CDH13: variants seen among roughly 807,000 people sequenced by gnomAD.
CDH13 encodes the protein cadherin 13.
In CDH13, 24 loss-of-function variants were observed where a neutral mutation model predicts 63.8. That is an observed-to-expected ratio of 0.38 (90% confidence interval 0.27 to 0.53). The LOEUF (loss-of-function observed/expected upper bound fraction) is 0.53. CDH13 is among the 20% of genes least tolerant of loss of function. CDH13 has a pLI of 0.85. For synonymous variants in CDH13, 503 were observed against 355.3 expected, an observed-to-expected ratio of 1.42 and a Z score of -4.67; for missense variants, 1,049 against 903.1, an observed-to-expected ratio of 1.16 and a Z score of -2.07.
chr16:83,739,838 G>A (rs1042456376), intron 10 of CDH13: 1 of 152,204 alleles, frequency 6.6e-6, no homozygotes, highest in African/African-American at 2.4e-5. Flanking sequence ...TACCCACTCA[G>A]TGTGTGCGGG....
At chr16:83,772,167 G>A (rs1484416297) in intron 11 of CDH13, among the ~76,000 whole-genome samples, 1 of 152,190 alleles carries the variant, frequency 6.6e-6, no homozygotes, top group Non-Finnish European at 1.5e-5. Flanking sequence ...AAAAGAAGTA[G>A]TATAAGACTG....
At chr16:83,195,518 T>C (rs7194536) in intron 4 of CDH13, among the ~76,000 whole-genome samples, 35,412 of 151,760 alleles carry the variant, frequency 0.23, 4,432 homozygotes, top group African/African-American at 0.28. Flanking sequence ...GGGGAGGTGC[T>C]ATACAGTTTC....
At chr16:83,790,724 C>T (rs908267788) in intron 13 of CDH13, among the ~76,000 whole-genome samples, 6 of 152,128 alleles carry the variant, frequency 3.9e-5, no homozygotes, top group African/African-American at 1.2e-4. Flanking sequence ...GTATAAAGTG[C>T]ATGTCAGTGG....
At chr16:83,063,779 A>G (rs1281275779) in intron 3 of CDH13, among the ~76,000 whole-genome samples, 1 of 152,226 alleles carries the variant, frequency 6.6e-6, no homozygotes, top group East Asian at 1.9e-4. Context: ...TGTCAGCAGA[A>G]CTGGTTCCTT....
intron 4 of CDH13, among the ~76,000 whole-genome samples, chr16:83,177,772 G>C (rs941678641): frequency 1.1e-4 from 16 of 152,274 alleles, no homozygotes; most frequent in African/African-American, 3.6e-4. Context: ...AAGAACAAGA[G>C]AATGTCAAAC....
At chr16:83,488,949 C>T (rs1390189807) in intron 7 of CDH13, among the ~76,000 whole-genome samples, 10 of 152,046 alleles carry the variant, frequency 6.6e-5, no homozygotes, top group Non-Finnish European at 1.3e-4. Context: ...TTATGACTGA[C>T]ATATTTTCTT....
At chr16:83,349,043 T>G (rs1403684094) in intron 6 of CDH13, among the ~76,000 whole-genome samples, 1 of 152,204 alleles carries the variant, frequency 6.6e-6, no homozygotes, top group South Asian at 2.1e-4. Flanking sequence ...GTCACCCATA[T>G]TTATCTGTAT....
intron 5 of CDH13, among the ~76,000 whole-genome samples, chr16:83,326,954 A>G (rs969390121): frequency 1.3e-4 from 20 of 152,326 alleles, no homozygotes; most frequent in African/African-American, 4.3e-4. Flanking sequence ...AACAGAATGC[A>G]TCTCATCCGG....
At position 82,885,190 on chromosome 16, in the gene CDH13, T is replaced by C. The variant is rs1453840305; in HGVS notation, c.157+26717T>C. ...GATAGTATATTATGAGCACTACTCT[T>C]ATGGCTTTGCATTGTAAGTAATTTT... On this transcript the variant is annotated intron_variant, in intron 2 of 13. Transcript: ENST00000567109. 5.9e-5 allele frequency among the ~76,000 whole-genome samples: 9 copies of C among 152,202 alleles called. No homozygotes were observed. The East Asian group carries it at 1.7e-3, about 29-fold the overall frequency.
At chr16:83,065,257 A>C (rs1199035963) in intron 3 of CDH13, among the ~76,000 whole-genome samples, 1 of 152,210 alleles carries the variant, frequency 6.6e-6, no homozygotes, top group Non-Finnish European at 1.5e-5. Flanking sequence ...AAAAGCTTGA[A>C]GGTAGAAGAA....
intron 1 of CDH13, among the ~76,000 whole-genome samples, chr16:82,631,505 G>A (rs141018441): frequency 6.6e-6 from 1 of 152,322 alleles, no homozygotes; most frequent in African/African-American, 2.4e-5. Context: ...AGTGGTTTTG[G>A]CATTGTTTCT....
intron 3 of CDH13, among the ~76,000 whole-genome samples, chr16:83,120,779 TC>T (rs139589800): frequency 0.71 from 93,887 of 131,426 alleles, 37,459 homozygotes; most frequent in Admixed American, 0.84. Context: ...TTTTTTTTTT[TC>T]TGAGATGGAG....
intron 9 of CDH13, among the ~76,000 whole-genome samples, chr16:83,677,246 A>G (rs891476230): frequency 3.3e-5 from 5 of 151,916 alleles, no homozygotes; most frequent in Admixed American, 2.0e-4. Flanking sequence ...TGTATTACCA[A>G]TGTTTATCAT....
At chr16:83,387,023 C>T (rs1388478832) in intron 6 of CDH13, among the ~76,000 whole-genome samples, 1 of 152,152 alleles carries the variant, frequency 6.6e-6, no homozygotes, top group Non-Finnish European at 1.5e-5. Flanking sequence ...GTTATATGCC[C>T]ATCCTTAGTG....
At chr16:82,748,306 A>G (rs1444418702) in intron 1 of CDH13, among the ~76,000 whole-genome samples, 2 of 152,222 alleles carry the variant, frequency 1.3e-5, no homozygotes, top group Middle Eastern at 3.2e-3. Context: ...GCTTCATTGC[A>G]CATGGCAATT....
At chr16:82,863,094 G>A (rs556792903) in intron 2 of CDH13, among the ~76,000 whole-genome samples, 1 of 152,316 alleles carries the variant, frequency 6.6e-6, no homozygotes, top group African/African-American at 2.4e-5. Flanking sequence ...GGGTATCGAT[G>A]CAGGATCACA....
intron 2 of CDH13, among the ~76,000 whole-genome samples, chr16:82,957,000 T>A (rs1433482443): frequency 6.6e-6 from 1 of 152,198 alleles, no homozygotes; most frequent in African/African-American, 2.4e-5. Flanking sequence ...TAAATCTATC[T>A]GAGAGATGTG....
intron 5 of CDH13, among the ~76,000 whole-genome samples, chr16:83,269,593 C>G (rs530446589): frequency 6.6e-6 from 1 of 152,282 alleles, no homozygotes; most frequent in East Asian, 1.9e-4. Context: ...TGGGATCACT[C>G]CACCCCAAAA....
chr16:82,783,842 G>A (rs774274722), intron 1 of CDH13, among the ~76,000 whole-genome samples: 1 of 152,126 alleles, frequency 6.6e-6, no homozygotes, highest in African/African-American at 2.4e-5. Context: ...CTGGTAATCA[G>A]GCTCTCTGCA....
Sources: allele counts gnomAD v4.1 joint callset (sites outside exome capture counted in the v4.1 genomes callset), GRCh38; gene constraint gnomAD v4.1.1; transcripts MANE v1.5; gene names NCBI Gene and HGNC (gene_info 2026-07-23, HGNC 2026-07-21).